Variants in JPH1 observed in about 807,000 individuals in gnomAD.
JPH1 encodes the protein junctophilin 1.
Under a neutral mutation model 53.6 loss-of-function variants are expected in JPH1, and 12 were observed. The observed-to-expected ratio is 0.22, with a 90% CI of 0.14 to 0.36. JPH1 has a LOEUF of 0.36. JPH1 is among the 10% of genes least tolerant of loss of function. The pLI, the probability that JPH1 is intolerant of heterozygous loss-of-function variation, is 1.00. For missense variants in JPH1, 808 were observed against 905.5 expected, an observed-to-expected ratio of 0.89 and a Z score of 1.38; for synonymous variants, 375 against 363.8, an observed-to-expected ratio of 1.03 and a Z score of -0.35.
intron 2 of JPH1, among the ~76,000 whole-genome samples, chr8:74,274,350 A>T (rs573602738): frequency 3.7e-4 from 56 of 152,378 alleles, no homozygotes; most frequent in African/African-American, 1.3e-3. Flanking sequence ...CCAGCTGAGC[A>T]CGGCTGGAAT....
chr8:74,260,212 C>T (rs534766296), intron 2 of JPH1, among the ~76,000 whole-genome samples: 2 of 152,288 alleles, frequency 1.3e-5, no homozygotes, highest in South Asian at 2.1e-4. Flanking sequence ...AAGGAGACAG[C>T]GAGGCAGAAC....
intron 2 of JPH1, among the ~76,000 whole-genome samples, chr8:74,300,909 T>C (rs994142908): frequency 3.9e-5 from 6 of 152,190 alleles, no homozygotes; most frequent in Admixed American, 1.3e-4. Context: ...ACTTGTTTCA[T>C]ATGAATGATG....
Position 74,320,697 on chromosome 8 carries a change from G to C in JPH1, c.379+212C>G, listed in dbSNP as rs1808289625. 6.6e-6 allele frequency among the ~76,000 whole-genome samples: 1 copy of C among 152,168 alleles called. No homozygotes were observed. The highest frequency in any genetic ancestry group is 2.1e-4 in the South Asian group (1 of 4,838). ...AGTGTGGATACACGGCCCGCTCCAA[G>C]AACGGGGTCAGATCCAGCCCTCGCG... On this transcript the variant is annotated intron_variant, in intron 1 of 5. Coordinates refer to ENST00000342232, the MANE Select transcript of JPH1 (RefSeq NM_020647.4). This position sits in a 1 kb window ranked among gnomAD's most constrained non-coding sequence, Gnocchi z 4.4.
intron 2 of JPH1, among the ~76,000 whole-genome samples, chr8:74,312,157 T>C (rs958966837): frequency 2.0e-5 from 3 of 152,304 alleles, no homozygotes; most frequent in Non-Finnish European, 4.4e-5. Flanking sequence ...GTTAATTGAA[T>C]ATATTTATTT....
At chr8:74,300,433 C>T (rs902148312) in intron 2 of JPH1, among the ~76,000 whole-genome samples, 9 of 152,250 alleles carry the variant, frequency 5.9e-5, no homozygotes, top group Non-Finnish European at 1.0e-4. Context: ...GTCAGGCCCA[C>T]GCTTTTTCCT....
intron 2 of JPH1, among the ~76,000 whole-genome samples, chr8:74,289,780 G>C (rs542737495): frequency 1.2e-3 from 188 of 152,310 alleles, no homozygotes; most frequent in African/African-American, 4.2e-3. Context: ...TTAGCATGAA[G>C]GGCTGCTGAA....
At chr8:74,250,788 T>C (rs1316874956) in intron 3 of JPH1, among the ~76,000 whole-genome samples, 1 of 152,176 alleles carries the variant, frequency 6.6e-6, no homozygotes, top group African/African-American at 2.4e-5. Context: ...ACCAGCACTT[T>C]GAAGCAGAGC....
intron 2 of JPH1, 108 bp downstream of exon 2, chr8:74,314,753 A>G: frequency 8.1e-7 from 1 of 1,236,438 alleles, no homozygotes; most frequent in Non-Finnish European, 1.2e-6. Context: ...ATTTTTTAGT[A>G]GTTGTAGAAA....
At chr8:74,274,061 C>A (rs575696869) in intron 2 of JPH1, among the ~76,000 whole-genome samples, 64 of 152,274 alleles carry the variant, frequency 4.2e-4, no homozygotes, top group Non-Finnish European at 7.2e-4. Flanking sequence ...GCCTGCTCTG[C>A]GAAGAAACAC....
At chr8:74,259,591 T>C (rs1443757877) in intron 2 of JPH1, 88 bp from the exon 3 acceptor site, 1 of 992,294 alleles carries the variant, frequency 1.0e-6, no homozygotes, top group Non-Finnish European at 1.4e-6. Context: ...GGAAAAGAAA[T>C]GTTAATTATG....
intron 2 of JPH1, among the ~76,000 whole-genome samples, chr8:74,274,292 G>A (rs1425783670): frequency 1.3e-5 from 2 of 152,158 alleles, no homozygotes. Context: ...AGACTGAATT[G>A]AGAAACGTGA....
intron 1 of JPH1, among the ~76,000 whole-genome samples, chr8:74,319,893 T>C (rs1238528685): frequency 6.6e-6 from 1 of 152,260 alleles, no homozygotes; most frequent in Non-Finnish European, 1.5e-5. Context: ...AGGAAATTCA[T>C]CAGGTTTTGA....
intron 3 of JPH1, 138 bp downstream of exon 3, chr8:74,259,247 G>A (rs1349504071): frequency 1.5e-5 from 9 of 619,998 alleles, no homozygotes; most frequent in East Asian, 5.7e-5. Context: ...ATCCTCAACC[G>A]CAGGCGCCCT....
chr8:74,281,036 C>T (rs1470961575), intron 2 of JPH1, among the ~76,000 whole-genome samples: 1 of 152,192 alleles, frequency 6.6e-6, no homozygotes, highest in Admixed American at 6.5e-5. Flanking sequence ...AGCTCATGTT[C>T]TTTCCTCCGC....
chr8:74,321,370 G>T lies in JPH1; in HGVS notation c.-83C>A. On this transcript the variant is annotated 5_prime_UTR_variant, in exon 1 of 6. Transcript: ENST00000342232. This position sits in a 1 kb window ranked among gnomAD's most constrained non-coding sequence, Gnocchi z 4.3. ...ACGGCAGGGTGTAGCTCGGGGGTGG[G>T]GGCCCGGCGGGCGAGCTCACGACAG... 1 of 1,325,138 alleles carries T rather than the reference G, an allele frequency of 7.5e-7. No individual in the cohort carries two copies. The highest frequency in any genetic ancestry group is 9.8e-7 in the Non-Finnish European group (1 of 1,021,074). 82.1% of individuals were successfully genotyped at this position (1,325,138 alleles called of 1,614,324 possible).
intron 3 of JPH1, 79 bp downstream of exon 3, chr8:74,259,306 T>G (rs1806323181): frequency 2.7e-6 from 3 of 1,095,708 alleles, no homozygotes; most frequent in South Asian, 1.4e-5. Flanking sequence ...GCACACATCT[T>G]TATGTTGAAA....
chr8:74,280,726 A>C (rs1806988702), intron 2 of JPH1, among the ~76,000 whole-genome samples: 1 of 152,348 alleles, frequency 6.6e-6, no homozygotes, highest in African/African-American at 2.4e-5. Context: ...AGTTCTCAAA[A>C]ATGTGGAAAT....
intron 2 of JPH1, among the ~76,000 whole-genome samples, chr8:74,301,281 T>A (rs1326822497): frequency 6.6e-6 from 1 of 152,174 alleles, no homozygotes; most frequent in Non-Finnish European, 1.5e-5. Flanking sequence ...GGCTCCCTTC[T>A]CAAATGCCTT....
chr8:74,284,680 T>C (rs1243391537), intron 2 of JPH1, among the ~76,000 whole-genome samples: 1 of 152,096 alleles, frequency 6.6e-6, no homozygotes, highest in Non-Finnish European at 1.5e-5. Context: ...ATAATACAAA[T>C]TGAGTTCTAG....
Sources: gnomAD v4.1 joint callset for allele counts (sites outside exome capture counted in the v4.1 genomes callset) on GRCh38, gnomAD v4.1.1 for gene constraint, Gnocchi (gnomAD v3.1) non-coding constraint, MANE v1.5 for transcripts, NCBI Gene and HGNC (gene_info 2026-07-23, HGNC 2026-07-21) for gene names.